The following HDAC9 variants were observed in gnomAD, a reference collection of about 807,000 sequenced individuals.
HDAC9 encodes the protein histone deacetylase 9.
HDAC9 carries 41 observed loss-of-function variants against 139.4 expected under a neutral mutation model. The ratio of observed to expected loss-of-function variants is 0.29; its 90% CI spans 0.23 to 0.38. HDAC9 has a LOEUF of 0.38. HDAC9 is among the 10% of genes least tolerant of loss of function. The probability of loss-of-function intolerance (pLI) is 1.00; values close to 1 mark genes in which losing one functional copy is unlikely to be tolerated. For missense variants in HDAC9, 1,147 were observed against 1,297.0 expected, an observed-to-expected ratio of 0.88 and a Z score of 1.78; for synonymous variants, 517 against 476.2, an observed-to-expected ratio of 1.09 and a Z score of -1.12.
chr7:18,726,460 A>T (rs1785554235), intron 12 of HDAC9, among the ~76,000 whole-genome samples: 1 of 152,228 alleles, frequency 6.6e-6, no homozygotes, highest in South Asian at 2.1e-4. Flanking sequence ...GAAGCAGAAG[A>T]GCACACACAT....
intron 2 of HDAC9, among the ~76,000 whole-genome samples, chr7:18,195,338 A>G (rs936850341): frequency 2.0e-5 from 3 of 152,204 alleles, no homozygotes; most frequent in Admixed American, 1.3e-4. Flanking sequence ...CAAAAGTACC[A>G]TATACCCCCA....
At chr7:18,774,765 T>A (rs538443081) in intron 16 of HDAC9, among the ~76,000 whole-genome samples, 2 of 152,204 alleles carry the variant, frequency 1.3e-5, no homozygotes, top group East Asian at 1.9e-4. Flanking sequence ...GCTATTTCAC[T>A]TTCTTAGCAT....
At chr7:18,619,907 G>T (rs896686565) in intron 6 of HDAC9, among the ~76,000 whole-genome samples, 2 of 152,104 alleles carry the variant, frequency 1.3e-5, no homozygotes, top group African/African-American at 4.8e-5. Flanking sequence ...AGCCCTGGAG[G>T]ATCCTCTTTC....
chr7:18,902,604 A>C (rs1318098226), intron 22 of HDAC9, among the ~76,000 whole-genome samples: 1 of 152,210 alleles, frequency 6.6e-6, no homozygotes, highest in Non-Finnish European at 1.5e-5. Flanking sequence ...GCCTGTGAGC[A>C]ACTGAAACAA....
intron 22 of HDAC9, among the ~76,000 whole-genome samples, chr7:18,927,411 C>T (rs978283325): frequency 2.0e-5 from 3 of 152,138 alleles, no homozygotes; most frequent in Non-Finnish European, 4.4e-5. Flanking sequence ...ATTTCTCTCT[C>T]TACTTGAGCC....
At chr7:18,149,318 A>G (rs1368807249) in intron 1 of HDAC9, among the ~76,000 whole-genome samples, 3 of 149,824 alleles carry the variant, frequency 2.0e-5, no homozygotes, top group Non-Finnish European at 3.0e-5. Context: ...ATAATATTTA[A>G]CAACATATTA....
At chr7:18,234,916 G>C (rs1302663792) in intron 2 of HDAC9, among the ~76,000 whole-genome samples, 1 of 152,182 alleles carries the variant, frequency 6.6e-6, no homozygotes, top group Non-Finnish European at 1.5e-5. Flanking sequence ...AGAGGACTTT[G>C]AAAGCCAGAA....
intron 22 of HDAC9, among the ~76,000 whole-genome samples, chr7:18,878,230 C>A (rs979436355): frequency 2.0e-5 from 3 of 152,034 alleles, no homozygotes; most frequent in African/African-American, 7.2e-5. Context: ...ATTCGTTTTG[C>A]CACAACATAT....
chr7:18,777,055 C>T (rs1462048540), intron 16 of HDAC9, among the ~76,000 whole-genome samples: 2 of 151,732 alleles, frequency 1.3e-5, no homozygotes, highest in African/African-American at 4.8e-5. Context: ...CATTTCTCTT[C>T]AGAGCTGGCT....
chr7:18,681,226 T>C (rs997741661), intron 12 of HDAC9, among the ~76,000 whole-genome samples: 1 of 152,088 alleles, frequency 6.6e-6, no homozygotes, highest in African/African-American at 2.4e-5. Context: ...AGTGAATTCA[T>C]TGTTGAAAAA....
chr7:18,334,731 T>C (rs76801995), intron 1 of HDAC9, among the ~76,000 whole-genome samples: 1 of 151,334 alleles, frequency 6.6e-6, no homozygotes, highest in African/African-American at 2.4e-5. Flanking sequence ...GTTAGCAAAT[T>C]TTAGGAATAT....
At chr7:18,452,580 C>G (rs1257321516) in intron 1 of HDAC9, among the ~76,000 whole-genome samples, 1 of 152,102 alleles carries the variant, frequency 6.6e-6, no homozygotes, top group Non-Finnish European at 1.5e-5. Context: ...TGGCTGTGTC[C>G]TCACCCAAAT....
chr7:18,829,215 A>T lies in HDAC9; in HGVS notation c.2377A>T (p.Met793Leu), dbSNP rs758341334. ...CCATCACGCTGAAGAATCCACAGCC[A>T]TGTAAGTACCAGGGACTGTTGCCCA... is the stretch of plus-strand genomic sequence containing the variant. ...PGHHAEESTA[M>L]GFCFFNSVAI... The change falls in exon 18 of 26, where the codon ATG (methionine) becomes TTG (leucine). Residue 793 changes from methionine to leucine, a missense_variant and splice_region_variant. Around this residue, in one of 7 missense-constraint regions of HDAC9, gnomAD observed 407 missense variants for 521.5 expected, o/e 0.78. Coordinates refer to ENST00000686413, the MANE Select transcript of HDAC9 (RefSeq NM_178425.4). 11 of 1,609,716 alleles carry T rather than the reference A, an allele frequency of 6.8e-6. No individual in the cohort carries two copies. The highest frequency in any genetic ancestry group is 7.7e-6 in the Non-Finnish European group (9 of 1,176,100).
rs114209149 is a variant in HDAC9, at chr7:18,484,310, G to A, written c.-41-11952G>A. ...ATGATTACACTACTGCACTACACCT[G>A]GGTGACAGAGCAAGATCCTATTAAA... On this transcript the variant is annotated intron_variant, in intron 1 of 3. Coordinates refer to the HDAC9 transcript ENST00000413509. Among the ~76,000 whole-genome samples, 1,275 of 151,624 alleles carry A rather than the reference G, an allele frequency of 8.4e-3. 20 individuals carry two copies. Among genetic ancestry groups the A allele is most frequent in the African/African-American group, 0.029 (1,211 of 41,304 alleles).
chr7:18,310,665 G>A (rs969352504), intron 1 of HDAC9, among the ~76,000 whole-genome samples: 8 of 152,146 alleles, frequency 5.3e-5, no homozygotes, highest in African/African-American at 1.9e-4. Context: ...AATTGTCCAT[G>A]ATACCAATTC....
intron 1 of HDAC9, among the ~76,000 whole-genome samples, chr7:18,119,436 G>T (rs1281435402): frequency 3.3e-5 from 5 of 152,192 alleles, no homozygotes; most frequent in African/African-American, 1.2e-4. Context: ...GAAAATGTTT[G>T]TTATGGCACA....
intron 1 of HDAC9, among the ~76,000 whole-genome samples, chr7:18,373,105 T>G (rs749979042): frequency 2.0e-5 from 3 of 152,172 alleles, no homozygotes; most frequent in Non-Finnish European, 4.4e-5. Context: ...AGGTTAAATA[T>G]CTAATTATAG....
intron 16 of HDAC9, among the ~76,000 whole-genome samples, chr7:18,783,498 A>G (rs146534793): frequency 2.0e-5 from 3 of 152,228 alleles, no homozygotes; most frequent in East Asian, 1.9e-4. Context: ...TCAACAGATC[A>G]TGTCTGGCCT....
At chr7:18,774,608 C>T (rs1029417703) in intron 16 of HDAC9, among the ~76,000 whole-genome samples, 1 of 151,962 alleles carries the variant, frequency 6.6e-6, no homozygotes, top group Non-Finnish European at 1.5e-5. Context: ...ATCATCTGAG[C>T]CTTCAGTGAG....
Sources: allele counts gnomAD v4.1 joint callset (sites outside exome capture counted in the v4.1 genomes callset), GRCh38; gene constraint gnomAD v4.1.1; regional missense constraint gnomAD v4.1.1; transcripts MANE v1.5; gene names NCBI Gene and HGNC (gene_info 2026-07-23, HGNC 2026-07-21).